The following MED30 variants were observed in gnomAD, a reference collection of about 807,000 sequenced individuals.
MED30 encodes mediator of RNA polymerase II transcription subunit 30.
Under a neutral mutation model 21.7 loss-of-function variants are expected in MED30, and 8 were observed. The ratio of observed to expected loss-of-function variants is 0.37; its 90% CI spans 0.22 to 0.67. MED30 has a LOEUF of 0.67. MED30 is among the 30% of genes least tolerant of loss of function. The probability of loss-of-function intolerance (pLI) is 0.58; values close to 1 mark genes in which losing one functional copy is unlikely to be tolerated. For synonymous variants in MED30, 79 were observed against 86.7 expected (o/e 0.91, Z 0.49); for missense variants, 203 against 228.2 (o/e 0.89, Z 0.71).
At chr8:117,528,556 C>A in intron 1 of MED30, 95 bp from the exon 2 acceptor site, 1 of 1,110,112 alleles carries the variant, frequency 9.0e-7, no homozygotes, top group South Asian at 1.7e-5. Context: ...CTATGCATTG[C>A]CTAAAAATTG....
chr8:117,536,651 T>G (rs1426569843), intron 3 of MED30, among the ~76,000 whole-genome samples: 1 of 152,268 alleles, frequency 6.6e-6, no homozygotes, highest in Non-Finnish European at 1.5e-5. Flanking sequence ...TAGTCAGTAT[T>G]TGATGTAAAT....
At chr8:117,539,346 T>C (rs1462181259) in intron 3 of MED30, among the ~76,000 whole-genome samples, 1 of 151,872 alleles carries the variant, frequency 6.6e-6, no homozygotes, top group Non-Finnish European at 1.5e-5. Flanking sequence ...AAAAACTAGA[T>C]GGGTGTGGTG....
At chr8:117,532,177 T>A (rs1210303699) in intron 3 of MED30, among the ~76,000 whole-genome samples, 1 of 152,010 alleles carries the variant, frequency 6.6e-6, no homozygotes, top group African/African-American at 2.4e-5. Flanking sequence ...CAGTCTTGAT[T>A]TAATACTCAC....
intron 1 of MED30, chr8:117,523,327 C>G (rs1818660899): frequency 6.9e-7 from 1 of 1,447,398 alleles, no homozygotes; most frequent in African/African-American, 1.4e-5. Context: ...GGTTGTTGAC[C>G]CAGCCCCAGT....
intron 3 of MED30, among the ~76,000 whole-genome samples, chr8:117,534,193 C>T (rs918806814): frequency 7.9e-5 from 12 of 151,394 alleles, no homozygotes; most frequent in African/African-American, 2.9e-4. Context: ...GGTGGCATCC[C>T]TCTTGCATGC....
intron 1 of MED30, chr8:117,523,688 C>T: frequency 6.3e-7 from 1 of 1,576,616 alleles, no homozygotes. Context: ...TGGAATCCTC[C>T]TTGGCCACCA....
At chr8:117,537,238 GTATT>G (rs1330470662) in intron 3 of MED30, among the ~76,000 whole-genome samples, 1 of 152,152 alleles carries the variant, frequency 6.6e-6, no homozygotes, top group African/African-American at 2.4e-5. Context: ...CTTTTTTTAA[GTATT>G]TAGTCTACTT....
intron 3 of MED30, 102 bp from the exon 4 acceptor site, chr8:117,539,781 T>G (rs956342229): frequency 1.4e-6 from 1 of 708,308 alleles, no homozygotes. Context: ...TAGCTTAATT[T>G]CTGTCTGTAT....
At chr8:117,536,314 G>T (rs1278671538) in intron 3 of MED30, among the ~76,000 whole-genome samples, 1 of 152,076 alleles carries the variant, frequency 6.6e-6, no homozygotes, top group Non-Finnish European at 1.5e-5. Flanking sequence ...TTGGCATTTG[G>T]TTGTATTAAA....
intron 2 of MED30, among the ~76,000 whole-genome samples, chr8:117,529,722 A>T (rs1411884002): frequency 6.6e-6 from 1 of 151,978 alleles, no homozygotes. Context: ...CAGGAGGAAG[A>T]GGAGCTTCCC....
chr8:117,533,837 C>T (rs1328193514), intron 3 of MED30, among the ~76,000 whole-genome samples: 3 of 152,128 alleles, frequency 2.0e-5, no homozygotes, highest in Non-Finnish European at 2.9e-5. Context: ...GTTGGTTTCA[C>T]TATTTCTTCA....
At chr8:117,521,115 CCT>C in intron 1 of MED30, 62 bp downstream of exon 1, 1 of 1,478,158 alleles carries the variant, frequency 6.8e-7, no homozygotes, top group Non-Finnish European at 9.1e-7. Flanking sequence ...CCTCTGGTTT[CCT>C]CTTTACGTGG....
intron 1 of MED30, among the ~76,000 whole-genome samples, chr8:117,527,201 T>C (rs917461450): frequency 6.6e-6 from 1 of 152,012 alleles, no homozygotes; most frequent in Admixed American, 6.5e-5. Flanking sequence ...TTTCTCTGAA[T>C]TTCTAGTTAG....
chr8:117,530,955 C>G, intron 3 of MED30, 128 bp downstream of exon 3: 1 of 687,694 alleles, frequency 1.5e-6, no homozygotes, highest in Non-Finnish European at 2.5e-6. Flanking sequence ...GCAAACTTCA[C>G]CTATTTAGAA....
chr8:117,527,262 G>T (rs1586861635), intron 1 of MED30, among the ~76,000 whole-genome samples: 1 of 151,914 alleles, frequency 6.6e-6, no homozygotes, highest in East Asian at 1.9e-4. Context: ...ATCTTACATT[G>T]TACTGAGAAA....
chr8:117,524,698 C>A (rs916575293), intron 1 of MED30, among the ~76,000 whole-genome samples: 1 of 152,182 alleles, frequency 6.6e-6, no homozygotes. Context: ...ATCTCTTATA[C>A]TATGTACCTA....
chr8:117,536,308 C>T (rs1311076600), intron 3 of MED30, among the ~76,000 whole-genome samples: 3 of 152,058 alleles, frequency 2.0e-5, no homozygotes, highest in Non-Finnish European at 2.9e-5. Context: ...AATACATTGG[C>T]ATTTGGTTGT....
chr8:117,539,888 C>G lies in MED30; in HGVS notation c.447C>G (p.Leu149=). Residue 149 remains leucine (L), a synonymous_variant, in exon 4 of 4, where the codon CTC becomes CTG. Coordinates refer to ENST00000297347, the MANE Select transcript of MED30 (RefSeq NM_080651.4). ...RREIAEVNKK[L]KQKNQQLKQI... is the part of the protein sequence containing the mutation. Reference sequence around the variant, plus strand: ...AAATTCTTTTGTTTCTACAGAAACTCAAACAGAAGAATCAACAGCTGAAAC... The same window carrying G: ...AAATTCTTTTGTTTCTACAGAAACTGAAACAGAAGAATCAACAGCTGAAAC... The G allele has an allele frequency of 6.3e-7, 1 of 1,593,930 alleles. No homozygotes were observed. Among genetic ancestry groups the G allele is most frequent in the Non-Finnish European group, 8.6e-7 (1 of 1,166,178 alleles).
intron 1 of MED30, among the ~76,000 whole-genome samples, chr8:117,527,189 C>G (rs1360071624): frequency 1.3e-5 from 2 of 151,966 alleles, no homozygotes; most frequent in Non-Finnish European, 2.9e-5. Flanking sequence ...TCCACTTAAA[C>G]TTTTCTCTGA....
Sources: allele counts gnomAD v4.1 joint callset (sites outside exome capture counted in the v4.1 genomes callset), GRCh38; gene constraint gnomAD v4.1.1; transcripts MANE v1.5; gene names NCBI Gene and HGNC (gene_info 2026-07-23, HGNC 2026-07-21).